Variants in SLC25A43 observed in about 807,000 individuals in gnomAD.
SLC25A43 encodes the protein solute carrier family 25, member 43.
Under a neutral mutation model 22.8 loss-of-function variants are expected in SLC25A43, and 10 were observed. The ratio of observed to expected loss-of-function variants is 0.44; its 90% CI spans 0.27 to 0.74. The LOEUF (loss-of-function observed/expected upper bound fraction) is 0.74, where lower values mean the gene tolerates loss of function less well. SLC25A43 is among the 30% of genes least tolerant of loss of function. The pLI is 0.17. For synonymous variants in SLC25A43, 106 were observed against 121.6 expected, an observed-to-expected ratio of 0.87 and a Z score of 0.84; for missense variants, 233 against 279.1, an observed-to-expected ratio of 0.83 and a Z score of 1.18.
At chrX:119,410,439 C>G (rs1411047598) in intron 3 of SLC25A43, 77 bp downstream of exon 3, 41 of 1,065,540 alleles carry the variant, frequency 3.8e-5, no homozygotes, top group Non-Finnish European at 5.2e-5. Context: ...GCAAAGAACA[C>G]TGACCCCAAG....
intron 2 of SLC25A43, among the ~76,000 whole-genome samples, chrX:119,407,857 T>G (rs1469030264): frequency 9.0e-6 from 1 of 110,637 alleles, no homozygotes; most frequent in Non-Finnish European, 1.9e-5. Context: ...CTTCAACTTC[T>G]CCTCTCACTC....
Position 119,406,031 on chromosome X carries a change from C to CA in SLC25A43, c.276-416dup, listed in dbSNP as rs1233586122. ...TGGCCAACAAAGTGAGACTCTGCCT[C>CA]AAAAAAAAAAAAACGTAATTACTGA... On this transcript the variant is annotated intron_variant, in intron 1 of 4. Coordinates refer to ENST00000217909, the MANE Select transcript of SLC25A43 (RefSeq NM_145305.3). Among the ~76,000 whole-genome samples, 299 of 88,362 alleles carry CA rather than the reference C, an allele frequency of 3.4e-3. 1 individual carries two copies. Among genetic ancestry groups the CA allele is most frequent in the South Asian group, 8.3e-3 (17 of 2,042 alleles). 76.7% of individuals were successfully genotyped at this position (88,362 alleles called of 115,157 possible).
chrX:119,416,246 GTCTCGCTCTGTCGCCCAT>G (rs2052401121), intron 3 of SLC25A43, among the ~76,000 whole-genome samples: 1 of 107,757 alleles, frequency 9.3e-6, no homozygotes, highest in Non-Finnish European at 1.9e-5. Flanking sequence ...TTGAAATGGA[GTCTCGCTCTGTCGCCCAT>G]GCTGGAGTGC....
At chrX:119,424,322 C>T (rs2052484468) in intron 3 of SLC25A43, among the ~76,000 whole-genome samples, 1 of 111,483 alleles carries the variant, frequency 9.0e-6, no homozygotes, top group Non-Finnish European at 1.9e-5. Context: ...TCTTTATTGA[C>T]CCTATGAAAT....
intron 3 of SLC25A43, 26 bp downstream of exon 3, chrX:119,410,388 G>C: frequency 8.3e-6 from 10 of 1,201,653 alleles, no homozygotes; most frequent in Non-Finnish European, 1.0e-5. Context: ...AGTGGGGTAG[G>C]GGGTGGAATG....
chrX:119,406,265 T>C lies in SLC25A43; in HGVS notation c.276-195T>C, dbSNP rs768825639. Among the ~76,000 whole-genome samples the C allele has an allele frequency of 8.0e-5, 9 of 112,507 alleles. No homozygotes were observed. In the South Asian group the frequency reaches 3.3e-3, roughly 42 times the overall value. ...ATGTAAATTAAGAAAGTTAGGCATC[T>C]CTTATAGCCAACTAGCATCATATAA... On this transcript the variant is annotated intron_variant, in intron 1 of 4. Transcript: ENST00000217909.
intron 3 of SLC25A43, among the ~76,000 whole-genome samples, chrX:119,435,283 G>A (rs1221000428): frequency 1.8e-5 from 2 of 110,433 alleles, no homozygotes; most frequent in African/African-American, 3.3e-5. Flanking sequence ...GGAGCTGGTC[G>A]ACTTCGCATT....
chrX:119,420,586 G>A (rs113908222), intron 3 of SLC25A43, among the ~76,000 whole-genome samples: 39 of 111,635 alleles, frequency 3.5e-4, no homozygotes, highest in African/African-American at 1.2e-3. Context: ...GGGATTACAG[G>A]CATGAGCCAC....
intron 3 of SLC25A43, among the ~76,000 whole-genome samples, chrX:119,430,519 G>A (rs1462834457): frequency 3.6e-5 from 4 of 111,996 alleles, no homozygotes; most frequent in African/African-American, 1.3e-4. Flanking sequence ...TTGTCTCCCA[G>A]GCACTCTCAG....
At chrX:119,451,940 G>C in intron 3 of SLC25A43, 69 bp from the exon 4 acceptor site, 1 of 1,201,774 alleles carries the variant, frequency 8.3e-7, no homozygotes. Context: ...TGAGACCCTG[G>C]CTCCTTCCAC....
At chrX:119,404,339 G>A (rs1179266790) in intron 1 of SLC25A43, among the ~76,000 whole-genome samples, 3 of 111,634 alleles carry the variant, frequency 2.7e-5, no homozygotes, top group Non-Finnish European at 5.6e-5. Context: ...TTCAAGTTGG[G>A]GTTCCCACGA....
chrX:119,432,873 G>T (rs1405376857), intron 3 of SLC25A43, among the ~76,000 whole-genome samples: 1 of 109,837 alleles, frequency 9.1e-6, no homozygotes, highest in Non-Finnish European at 1.9e-5. Flanking sequence ...CACTTTGGGA[G>T]GCTGAGGCAG....
intron 3 of SLC25A43, among the ~76,000 whole-genome samples, chrX:119,422,161 C>T: frequency 8.9e-6 from 1 of 111,932 alleles, no homozygotes; most frequent in Non-Finnish European, 1.9e-5. Flanking sequence ...GTGATCCACC[C>T]GCCTCAGCCT....
chrX:119,426,963 A>G (rs2052511989), intron 3 of SLC25A43, among the ~76,000 whole-genome samples: 1 of 111,920 alleles, frequency 8.9e-6, no homozygotes, highest in Non-Finnish European at 1.9e-5. Flanking sequence ...GAGTTCGTAC[A>G]GAATTTTTTG....
intron 3 of SLC25A43, among the ~76,000 whole-genome samples, chrX:119,450,989 C>T (rs2052702386): frequency 9.0e-6 from 1 of 110,777 alleles, no homozygotes; most frequent in South Asian, 3.9e-4. Context: ...ATCGTGAAAC[C>T]CCATCTCTAC....
intron 3 of SLC25A43, among the ~76,000 whole-genome samples, chrX:119,450,527 C>T (rs1245457877): frequency 9.0e-6 from 1 of 111,443 alleles, no homozygotes; most frequent in Non-Finnish European, 1.9e-5. Flanking sequence ...GCAGTGAATG[C>T]TCTGAAGGTT....
chrX:119,435,132 C>T (rs187624715), intron 3 of SLC25A43, among the ~76,000 whole-genome samples: 1 of 111,200 alleles, frequency 9.0e-6, no homozygotes, highest in East Asian at 2.8e-4. Flanking sequence ...AGCCACTGCA[C>T]CCAACTTAAA....
Position 119,453,243 on chromosome X carries a change from C to G in SLC25A43, c.*178C>G, listed in dbSNP as rs112316105. On this transcript the variant is annotated 3_prime_UTR_variant, in exon 5 of 5. Coordinates refer to ENST00000217909, the MANE Select transcript of SLC25A43 (RefSeq NM_145305.3). ...TCCAAACTGATGTCCCTGTGAACACCTGCACTATGAGAAGGTTTCCCAACA... is the reference window on the plus strand; with the variant it reads ...TCCAAACTGATGTCCCTGTGAACACGTGCACTATGAGAAGGTTTCCCAACA... 151 of 445,199 alleles carry G rather than the reference C, an allele frequency of 3.4e-4. No individual in the cohort carries two copies. The highest frequency in any genetic ancestry group is 2.7e-3 in the African/African-American group (108 of 40,508). 36.7% of individuals were successfully genotyped at this position (445,199 alleles called of 1,213,427 possible).
rs573340729 is a variant in SLC25A43, at chrX:119,415,829, C to T, written c.690+5467C>T. Among the ~76,000 whole-genome samples the T allele has an allele frequency of 2.9e-4, 32 of 108,507 alleles. No homozygotes were observed. In the South Asian group the frequency reaches 8.6e-3, roughly 29 times the overall value. 94.2% of individuals were successfully genotyped at this position (108,507 alleles called of 115,157 possible). Reference sequence around the variant, plus strand: ...ACCAGCTGGCCAACATGGTGAGACCCGTCTCCATAAAAAATACAAAAATTA... The same window carrying T: ...ACCAGCTGGCCAACATGGTGAGACCTGTCTCCATAAAAAATACAAAAATTA... On this transcript the variant is annotated intron_variant, in intron 3 of 4. Transcript: ENST00000217909.
Sources: gnomAD v4.1 joint callset for allele counts (sites outside exome capture counted in the v4.1 genomes callset) on GRCh38, gnomAD v4.1.1 for gene constraint, MANE v1.5 for transcripts, NCBI Gene and HGNC (gene_info 2026-07-23, HGNC 2026-07-21) for gene names.